The following NDFIP1 variants were observed in gnomAD, a reference collection of about 807,000 sequenced individuals.
NDFIP1 encodes Nedd4 family interacting protein 1.
In NDFIP1, 7 loss-of-function variants were observed where a neutral mutation model predicts 28.8. The ratio of observed to expected loss-of-function variants is 0.24; its 90% CI spans 0.14 to 0.46. The LOEUF (loss-of-function observed/expected upper bound fraction) is 0.46, where lower values mean the gene tolerates loss of function less well. Among genes scored for constraint, NDFIP1 ranks in the 20% least tolerant of loss-of-function variants. The pLI, the probability that NDFIP1 is intolerant of heterozygous loss-of-function variation, is 0.99. For missense variants in NDFIP1, 194 were observed against 269.1 expected (o/e 0.72, Z 1.95); for synonymous variants, 92 against 101.0 (o/e 0.91, Z 0.53).
Position 142,135,747 on chromosome 5 carries a change from T to A in NDFIP1, c.300T>A (p.Gly100=). 6.2e-7 allele frequency: 1 copy of A among 1,613,710 alleles called. No individual in the cohort carries two copies. The highest frequency in any genetic ancestry group is 2.2e-5 in the East Asian group (1 of 44,816). Residue 100 remains glycine, a synonymous_variant, in exon 4 of 8, where the codon GGT becomes GGA. Transcript: ENST00000253814. The part of the protein sequence containing the change: ...LVPGRDEDFV[G]RDDFDDADQL... Reference sequence around the variant, plus strand: ...TCATTTAGGATGAGGATTTTGTGGGTCGGGATGATTTTGATGATGCTGACC... The same window carrying A: ...TCATTTAGGATGAGGATTTTGTGGGACGGGATGATTTTGATGATGCTGACC...
chr5:142,112,648 G>A (rs1442988283), intron 1 of NDFIP1, among the ~76,000 whole-genome samples: 2 of 151,164 alleles, frequency 1.3e-5, no homozygotes, highest in African/African-American at 2.4e-5. Flanking sequence ...AAAATTAGTT[G>A]GGCGTGGTGG....
intron 7 of NDFIP1, among the ~76,000 whole-genome samples, chr5:142,146,435 A>G (rs1030162958): frequency 2.0e-5 from 3 of 152,196 alleles, no homozygotes; most frequent in Non-Finnish European, 4.4e-5. Flanking sequence ...TTTCATCTAT[A>G]TATCAGATTG....
intron 7 of NDFIP1, 96 bp from the exon 8 acceptor site, chr5:142,151,634 TC>T (rs1757447907): frequency 6.6e-6 from 1 of 152,414 alleles, no homozygotes; most frequent in Admixed American, 6.5e-5. Flanking sequence ...TGCACTTGTG[TC>T]TCCAAACATC....
intron 7 of NDFIP1, among the ~76,000 whole-genome samples, chr5:142,150,411 A>G (rs1757433767): frequency 6.6e-6 from 1 of 151,860 alleles, no homozygotes; most frequent in African/African-American, 2.4e-5. Context: ...TCCTTGTATC[A>G]GTTTCAGTGG....
intron 6 of NDFIP1, chr5:142,143,265 A>G (rs1412770941): frequency 1.3e-5 from 2 of 152,078 alleles, no homozygotes; most frequent in East Asian, 3.9e-4. Flanking sequence ...GCTAGCCTAC[A>G]TTTCACATGG....
intron 7 of NDFIP1, among the ~76,000 whole-genome samples, chr5:142,149,370 A>G (rs1367797291): frequency 6.6e-6 from 1 of 150,832 alleles, no homozygotes; most frequent in African/African-American, 2.4e-5. Flanking sequence ...CAAAATTTAC[A>G]TGTCTCCAAG....
Position 142,135,792 on chromosome 5 carries a change from T to C in NDFIP1, c.345T>C (p.Asp115=). Reference sequence around the variant, plus strand: ...CTGACCAGCTGAGGATAGGAAATGATGGGATTTTCATGTTAACTTTTTTCA... The same window carrying C: ...CTGACCAGCTGAGGATAGGAAATGACGGGATTTTCATGTTAACTTTTTTCA... ...DDADQLRIGN[D]GIFMLTFFMA... Residue 115 remains aspartate (D), a synonymous_variant, in exon 4 of 8, where the codon GAT becomes GAC. Coordinates refer to ENST00000253814, the MANE Select transcript of NDFIP1 (RefSeq NM_030571.4). 6.2e-7 allele frequency: 1 copy of C among 1,613,794 alleles called. No homozygotes were observed. The highest frequency in any genetic ancestry group is 1.1e-5 in the South Asian group (1 of 91,070).
intron 3 of NDFIP1, among the ~76,000 whole-genome samples, chr5:142,134,229 A>G (rs556287580): frequency 6.6e-5 from 10 of 152,296 alleles, no homozygotes; most frequent in African/African-American, 1.7e-4. Flanking sequence ...CTTGGCAGCA[A>G]TTTCTAGGAT....
chr5:142,121,050 T>C (rs1337751525), intron 1 of NDFIP1, among the ~76,000 whole-genome samples: 1 of 152,218 alleles, frequency 6.6e-6, no homozygotes, highest in Non-Finnish European at 1.5e-5. Flanking sequence ...CAAGCCTGGG[T>C]TCTAGGCATG....
At chr5:142,109,067 T>C in intron 1 of NDFIP1, 30 bp downstream of exon 1, 1 of 1,368,188 alleles carries the variant, frequency 7.3e-7, no homozygotes, top group South Asian at 1.6e-5. Context: ...AGCCCCGAAC[T>C]CCGGTCCCTG....
chr5:142,110,240 A>G (rs1464142779), intron 1 of NDFIP1, among the ~76,000 whole-genome samples: 2 of 152,198 alleles, frequency 1.3e-5, no homozygotes, highest in Admixed American at 6.5e-5. Context: ...AATTGTGGCA[A>G]TGCAGTTAAT....
intron 7 of NDFIP1, among the ~76,000 whole-genome samples, chr5:142,149,913 G>C (rs183368606): frequency 4.1e-4 from 62 of 152,290 alleles, no homozygotes; most frequent in African/African-American, 1.5e-3. Context: ...CAGGCATGGT[G>C]GCTCACGCCT....
At chr5:142,124,404 C>G (rs1757150276) in intron 1 of NDFIP1, among the ~76,000 whole-genome samples, 1 of 152,020 alleles carries the variant, frequency 6.6e-6, no homozygotes, top group Admixed American at 6.6e-5. Context: ...CAGAAGAAAA[C>G]CATAAAATTG....
intron 6 of NDFIP1, among the ~76,000 whole-genome samples, chr5:142,142,366 G>T (rs1035791720): frequency 6.6e-6 from 1 of 152,028 alleles, no homozygotes; most frequent in African/African-American, 2.4e-5. Flanking sequence ...TGACCAACAG[G>T]AGAATAATTT....
intron 1 of NDFIP1, among the ~76,000 whole-genome samples, chr5:142,123,404 G>A (rs2126913914): frequency 6.6e-6 from 1 of 152,284 alleles, no homozygotes; most frequent in African/African-American, 2.4e-5. Flanking sequence ...AAAGTGCTGG[G>A]ATTACAGGTG....
chr5:142,116,371 T>C (rs187624864), intron 1 of NDFIP1, among the ~76,000 whole-genome samples: 24 of 151,072 alleles, frequency 1.6e-4, no homozygotes, highest in Middle Eastern at 6.8e-3. Context: ...TCTCTCTCTC[T>C]CTTTCTTTCT....
intron 1 of NDFIP1, 104 bp downstream of exon 1, chr5:142,109,141 G>A (rs901901354): frequency 1.9e-6 from 2 of 1,066,066 alleles, no homozygotes; most frequent in African/African-American, 3.3e-5. Context: ...CTCGACGCCG[G>A]GGCTTGGCAG....
At chr5:142,127,320 A>G (rs781533620) in intron 1 of NDFIP1, among the ~76,000 whole-genome samples, 7 of 152,176 alleles carry the variant, frequency 4.6e-5, no homozygotes, top group Non-Finnish European at 1.0e-4. Context: ...AAACCTTAGT[A>G]GCACCTATTT....
At chr5:142,109,076 T>A in intron 1 of NDFIP1, 39 bp downstream of exon 1, 3 of 1,350,520 alleles carry the variant, frequency 2.2e-6, no homozygotes, top group Non-Finnish European at 2.9e-6. Flanking sequence ...CTCCGGTCCC[T>A]GGCTCTGCCC....
Sources: allele counts gnomAD v4.1 joint callset (sites outside exome capture counted in the v4.1 genomes callset), GRCh38; gene constraint gnomAD v4.1.1; transcripts MANE v1.5; gene names NCBI Gene and HGNC (gene_info 2026-07-23, HGNC 2026-07-21).